Variants in MYO5B observed in about 807,000 individuals in gnomAD.
MYO5B encodes unconventional myosin-Vb.
In MYO5B, 143 loss-of-function variants were observed where a neutral mutation model predicts 229.3. The observed-to-expected ratio is 0.62, with a 90% CI of 0.54 to 0.72. The LOEUF (loss-of-function observed/expected upper bound fraction) is 0.72, where lower values mean the gene tolerates loss of function less well. Ranked by LOEUF, MYO5B falls within the 30% of genes least tolerant of loss-of-function variation. MYO5B has a pLI of 0.00. For synonymous variants in MYO5B, 918 were observed against 885.2 expected (o/e 1.04, Z -0.66); for missense variants, 2,321 against 2,331.0 (o/e 1.00, Z 0.09).
chr18:49,841,407 G>A lies in MYO5B; in HGVS notation c.4659C>T (p.Thr1553=). The A allele has an allele frequency of 3.1e-6, 5 of 1,614,204 alleles. No individual in the cohort carries two copies. Among genetic ancestry groups the A allele is most frequent in the Non-Finnish European group, 4.2e-6 (5 of 1,180,024 alleles). Residue 1553 remains threonine (T), a synonymous_variant, in exon 35 of 40, where the codon ACC becomes ACT. Coordinates refer to ENST00000285039, the MANE Select transcript of MYO5B (RefSeq NM_001080467.3). The part of the protein sequence containing the change: ...FEMTSFWLSN[T]CRLLHCLKQY... ...GCTTCAGACAGTGAAGAAGGCGGCA[G>A]GTGTTGGATAACCAGAATGACGTCA...
intron 24 of MYO5B, among the ~76,000 whole-genome samples, 159 bp downstream of exon 24, chr18:49,878,786 T>C (rs1032370068): frequency 6.6e-6 from 1 of 152,196 alleles, no homozygotes; most frequent in Non-Finnish European, 1.5e-5. Context: ...AATCACCCAG[T>C]CCAGCTACCT....
At chr18:49,904,977 C>T (rs2024883630) in intron 19 of MYO5B, 149 bp from the exon 20 acceptor site, 3 of 909,684 alleles carry the variant, frequency 3.3e-6, no homozygotes, top group African/African-American at 1.6e-5. Flanking sequence ...TCACCCCTAA[C>T]AAATGTAGCA....
chr18:49,925,140 C>G (rs1436247485), intron 17 of MYO5B, among the ~76,000 whole-genome samples: 3 of 152,178 alleles, frequency 2.0e-5, no homozygotes, highest in South Asian at 2.1e-4. Context: ...GACTCTATAT[C>G]TGATAAGAAA....
intron 21 of MYO5B, among the ~76,000 whole-genome samples, chr18:49,896,463 C>T: frequency 6.6e-6 from 1 of 152,194 alleles, no homozygotes; most frequent in East Asian, 1.9e-4. Flanking sequence ...CTGAGGGTCT[C>T]TGCACAGAGG....
chr18:50,055,225 G>GGCCCCCCGC, intron 2 of MYO5B, 43 bp downstream of exon 2: 3 of 700,376 alleles, frequency 4.3e-6, no homozygotes, highest in East Asian at 2.7e-5. Context: ...TGAGCTCCCT[G>GGCCCCCCGC]CCCCACCTCA....
rs149880800 is a variant in MYO5B at position 49,889,643 on chromosome 18, T to C, written c.3045+5298A>G. Among the ~76,000 whole-genome samples the C allele has an allele frequency of 1.4e-4, 22 of 152,364 alleles. No individual in the cohort carries two copies. In the East Asian group the frequency reaches 3.3e-3, roughly 23 times the overall value. On this transcript the variant is annotated intron_variant, in intron 22 of 39. Coordinates refer to ENST00000285039, the MANE Select transcript of MYO5B (RefSeq NM_001080467.3). ...ATGGCTCACAGAGCAGTAGGTCACC[T>C]GAGAAGACCAAGACCCCTCGCCATC...
At chr18:49,847,105 AG>A in intron 33 of MYO5B, 40 bp downstream of exon 33, 1 of 1,612,768 alleles carries the variant, frequency 6.2e-7, no homozygotes, top group Non-Finnish European at 8.5e-7. Context: ...CGGGGGCTGA[AG>A]GAGGGGCAGG....
intron 4 of MYO5B, among the ~76,000 whole-genome samples, chr18:50,013,812 C>T (rs190927836): frequency 2.0e-5 from 3 of 152,316 alleles, no homozygotes; most frequent in Admixed American, 6.5e-5. Context: ...TTCACAGAGA[C>T]GGTAAGAGTA....
intron 12 of MYO5B, among the ~76,000 whole-genome samples, chr18:49,961,564 T>A (rs867358257): frequency 6.6e-6 from 1 of 152,238 alleles, no homozygotes; most frequent in Admixed American, 6.5e-5. Flanking sequence ...ATCATGTGGC[T>A]TTTATACCTG....
intron 25 of MYO5B, 73 bp from the exon 26 acceptor site, chr18:49,875,900 G>C: frequency 1.3e-6 from 2 of 1,558,910 alleles, no homozygotes; most frequent in East Asian, 4.5e-5. Flanking sequence ...GCACTTCACT[G>C]CCTCCCTCTA....
At chr18:49,841,134 C>A (rs950468077) in intron 35 of MYO5B, among the ~76,000 whole-genome samples, 1 of 152,142 alleles carries the variant, frequency 6.6e-6, no homozygotes, top group African/African-American at 2.4e-5. Flanking sequence ...TTACATAACC[C>A]AGGAGTGCTT....
chr18:49,986,268 TCCC>T (rs1216739236), intron 7 of MYO5B, among the ~76,000 whole-genome samples: 1 of 151,834 alleles, frequency 6.6e-6, no homozygotes, highest in African/African-American at 2.4e-5. Context: ...CTTCCTCACC[TCCC>T]CCCATTTCCC....
chr18:49,979,896 GTAC>G (rs1369704996), intron 9 of MYO5B, among the ~76,000 whole-genome samples: 1 of 152,172 alleles, frequency 6.6e-6, no homozygotes, highest in Non-Finnish European at 1.5e-5. Flanking sequence ...CCACATATCA[GTAC>G]TACATTGGGC....
chr18:50,184,879 C>CAA (rs766271675), intron 1 of MYO5B, among the ~76,000 whole-genome samples: 4 of 36,148 alleles, frequency 1.1e-4, no homozygotes, highest in Non-Finnish European at 6.3e-5. Context: ...TCTCTACACA[C>CAA]ACACACACAC....
intron 1 of MYO5B, among the ~76,000 whole-genome samples, chr18:50,159,959 C>T (rs2032740098): frequency 6.6e-6 from 1 of 152,226 alleles, no homozygotes; most frequent in African/African-American, 2.4e-5. Context: ...ACAGACGCTC[C>T]ACATGAACAA....
chr18:49,832,411 G>A (rs1332213335), intron 39 of MYO5B, among the ~76,000 whole-genome samples: 1 of 152,218 alleles, frequency 6.6e-6, no homozygotes, highest in East Asian at 1.9e-4. Flanking sequence ...GCTGGTAGAA[G>A]CTGTACTTTT....
intron 21 of MYO5B, among the ~76,000 whole-genome samples, chr18:49,901,701 C>T (rs2024843301): frequency 6.6e-6 from 1 of 152,160 alleles, no homozygotes; most frequent in Admixed American, 6.5e-5. Flanking sequence ...ACACTCTTTC[C>T]AAAAGAGGCA....
chr18:50,008,767 T>C (rs1014563313), intron 4 of MYO5B, among the ~76,000 whole-genome samples: 4 of 152,184 alleles, frequency 2.6e-5, no homozygotes, highest in South Asian at 4.1e-4. Flanking sequence ...TATCATTTCA[T>C]CCTCTGTGAC....
chr18:49,933,495 C>A (rs182686573), intron 16 of MYO5B, among the ~76,000 whole-genome samples: 179 of 152,314 alleles, frequency 1.2e-3, no homozygotes, highest in Non-Finnish European at 1.9e-3. Context: ...GAGGAAAAAG[C>A]CTTTTGTATA....
Sources: allele counts gnomAD v4.1 joint callset (sites outside exome capture counted in the v4.1 genomes callset), GRCh38; gene constraint gnomAD v4.1.1; transcripts MANE v1.5; gene names NCBI Gene and HGNC (gene_info 2026-07-23, HGNC 2026-07-21).